The following AGBL4 variants were observed in gnomAD, a reference collection of about 807,000 sequenced individuals.
The protein encoded by AGBL4 is AGBL carboxypeptidase 4, also known as cytosolic carboxypeptidase 6.
In AGBL4, 58 loss-of-function variants were observed where a neutral mutation model predicts 66.4. The ratio of observed to expected loss-of-function variants is 0.87; its 90% CI spans 0.71 to 1.09. The LOEUF (loss-of-function observed/expected upper bound fraction) is 1.09, where lower values mean the gene tolerates loss of function less well. Ranked by LOEUF, AGBL4 falls within the 50% of genes least tolerant of loss-of-function variation. The pLI is 0.00. For missense variants in AGBL4, 579 were observed against 631.0 expected (o/e 0.92, Z 0.88); for synonymous variants, 234 against 222.9 (o/e 1.05, Z -0.44).
In AGBL4 at chr1:49,525,091, A is replaced by G. The variant is rs779182135; in HGVS notation, c.282+172222T>C. Among the ~76,000 whole-genome samples, 5 of 152,074 alleles carry G rather than the reference A, an allele frequency of 3.3e-5. 1 individual carries two copies. Among genetic ancestry groups the G allele is most frequent in the Non-Finnish European group, 7.4e-5 (5 of 68,002 alleles). Reference sequence around the variant, plus strand: ...GGTTGCTGTTAGGAATATATTTATTAATCTCAGCTTATATTTACTGAATGC... The same window carrying G: ...GGTTGCTGTTAGGAATATATTTATTGATCTCAGCTTATATTTACTGAATGC... On this transcript the variant is annotated intron_variant, in intron 3 of 13. Transcript: ENST00000371839.
chr1:49,872,280 C>A (rs1646855759), intron 1 of AGBL4, among the ~76,000 whole-genome samples: 1 of 151,852 alleles, frequency 6.6e-6, no homozygotes, highest in Non-Finnish European at 1.5e-5. Flanking sequence ...TGTGAGTATT[C>A]TTAATTTATA....
chr1:48,583,216 T>G (rs1474317743), intron 11 of AGBL4, among the ~76,000 whole-genome samples: 1 of 152,202 alleles, frequency 6.6e-6, no homozygotes, highest in African/African-American at 2.4e-5. Flanking sequence ...CAGCTGCTGA[T>G]TTCTTGCTAT....
chr1:49,834,211 C>T (rs1172905947), intron 2 of AGBL4, among the ~76,000 whole-genome samples: 1 of 152,058 alleles, frequency 6.6e-6, no homozygotes, highest in Non-Finnish European at 1.5e-5. Flanking sequence ...TCTGTCTGTT[C>T]CTAGGTTTTT....
intron 6 of AGBL4, among the ~76,000 whole-genome samples, chr1:48,838,852 AT>A (rs1335140311): frequency 6.6e-6 from 1 of 152,120 alleles, no homozygotes; most frequent in Non-Finnish European, 1.5e-5. Context: ...AAACAATCTG[AT>A]TTAAAAATGG....
chr1:49,952,968 A>C (rs1656289892), intron 1 of AGBL4, among the ~76,000 whole-genome samples: 1 of 151,960 alleles, frequency 6.6e-6, no homozygotes, highest in Non-Finnish European at 1.5e-5. Context: ...CATGTCTCTG[A>C]GATATTTCTG....
chr1:49,800,713 G>T (rs1404287350), intron 2 of AGBL4, among the ~76,000 whole-genome samples: 1 of 102,280 alleles, frequency 9.8e-6, no homozygotes, highest in East Asian at 2.4e-4. Context: ...TTTTATGGCT[G>T]CATAGTATTC....
chr1:48,727,997 T>C (rs1647445168), intron 6 of AGBL4: 6 of 1,612,352 alleles, frequency 3.7e-6, no homozygotes, highest in South Asian at 3.3e-5. Flanking sequence ...TCTGTGCAAT[T>C]TCAGTTTCAT....
intron 1 of AGBL4, among the ~76,000 whole-genome samples, chr1:49,929,828 T>C (rs986515234): frequency 2.0e-5 from 3 of 152,120 alleles, no homozygotes; most frequent in South Asian, 4.1e-4. Context: ...AAATGTTTCA[T>C]AACAATAGCA....
chr1:48,753,734 C>T (rs1484413), intron 6 of AGBL4, among the ~76,000 whole-genome samples: 56,496 of 152,144 alleles, frequency 0.37, 10,616 homozygotes, highest in East Asian at 0.48. Context: ...CCCTACCTGG[C>T]TTGCAATAAG....
intron 5 of AGBL4, among the ~76,000 whole-genome samples, chr1:48,912,111 A>T (rs1476471487): frequency 6.6e-6 from 1 of 152,194 alleles, no homozygotes; most frequent in Non-Finnish European, 1.5e-5. Flanking sequence ...TAGCCACGGA[A>T]AATATAGGGA....
chr1:49,675,964 G>A (rs1646570789), intron 3 of AGBL4, among the ~76,000 whole-genome samples: 1 of 152,056 alleles, frequency 6.6e-6, no homozygotes, highest in South Asian at 2.1e-4. Context: ...TGAGAGTAGT[G>A]CCGATAAAAA....
chr1:50,001,944 C>T (rs1021402042), intron 1 of AGBL4, among the ~76,000 whole-genome samples: 3 of 152,102 alleles, frequency 2.0e-5, no homozygotes, highest in Admixed American at 6.5e-5. Flanking sequence ...CTTAATATAG[C>T]ATGGCATGGT....
rs578089188 is a variant in AGBL4, at chr1:49,697,224, T to C, written c.282+89A>G. On this transcript the variant is annotated intron_variant, in intron 3 of 13. Coordinates refer to ENST00000371839, the MANE Select transcript of AGBL4 (RefSeq NM_032785.4). ...TGGATAAACAAGAATATATTCTTAA[T>C]ATAGTCATTATTTTGATATTTCTAA... The C allele has an allele frequency of 2.0e-3, 2,723 of 1,366,446 alleles. 9 individuals are homozygous for C. The highest frequency in any genetic ancestry group is 3.2e-3 in the Middle Eastern group (17 of 5,346). 84.6% of individuals were successfully genotyped at this position (1,366,446 alleles called of 1,614,324 possible).
intron 9 of AGBL4, among the ~76,000 whole-genome samples, chr1:48,604,442 T>C (rs961516363): frequency 1.3e-5 from 2 of 152,174 alleles, no homozygotes; most frequent in African/African-American, 2.4e-5. Context: ...TTTCTAAATA[T>C]GGCTATTTGA....
intron 2 of AGBL4, among the ~76,000 whole-genome samples, chr1:49,772,928 C>T: frequency 6.6e-6 from 1 of 151,982 alleles, no homozygotes; most frequent in Admixed American, 6.6e-5. Context: ...TTAAATAGGT[C>T]TTCTGTATCT....
At chr1:48,921,607 C>T (rs1654084134) in intron 5 of AGBL4, among the ~76,000 whole-genome samples, 1 of 152,118 alleles carries the variant, frequency 6.6e-6, no homozygotes, top group African/African-American at 2.4e-5. Flanking sequence ...TCTGGCATTG[C>T]TATTATAATA....
intron 1 of AGBL4, among the ~76,000 whole-genome samples, chr1:49,983,722 A>AT (rs1659272108): frequency 1.3e-5 from 2 of 152,216 alleles, no homozygotes; most frequent in Admixed American, 1.3e-4. Context: ...CATTTTTTTG[A>AT]TTTTTTTCAT....
intron 4 of AGBL4, among the ~76,000 whole-genome samples, chr1:49,108,702 CA>C (rs1645346063): frequency 1.3e-5 from 2 of 152,262 alleles, no homozygotes; most frequent in Admixed American, 6.5e-5. Flanking sequence ...TCAGCAGAGA[CA>C]GGGGTTATGG....
chr1:49,899,014 G>A (rs1649501394), intron 1 of AGBL4, among the ~76,000 whole-genome samples: 1 of 152,222 alleles, frequency 6.6e-6, no homozygotes, highest in Non-Finnish European at 1.5e-5. Context: ...GGGATGGTTA[G>A]TGAGTAGAAA....
Sources: allele counts gnomAD v4.1 joint callset (sites outside exome capture counted in the v4.1 genomes callset), GRCh38; gene constraint gnomAD v4.1.1; transcripts MANE v1.5; gene names NCBI Gene and HGNC (gene_info 2026-07-23, HGNC 2026-07-21).